Variants in STS observed in about 807,000 individuals in gnomAD.
STS encodes the protein steryl-sulfatase.
Under a neutral mutation model 26.8 loss-of-function variants are expected in STS, and 7 were observed. That is an observed-to-expected ratio of 0.26 (90% CI 0.15 to 0.49). The LOEUF (loss-of-function observed/expected upper bound fraction) is 0.49, where lower values mean the gene tolerates loss of function less well. Ranked by LOEUF, STS falls within the 20% of genes least tolerant of loss-of-function variation. The pLI is 0.98. For synonymous variants in STS, 199 were observed against 189.4 expected (o/e 1.05, Z -0.42); for missense variants, 434 against 465.6 (o/e 0.93, Z 0.63).
At chrX:7,164,562 C>A (rs186205057) in intron 1 of STS, among the ~76,000 whole-genome samples, 34 of 110,937 alleles carry the variant, frequency 3.1e-4, no homozygotes, top group Admixed American at 2.7e-3. Context: ...GCTCCCAGCC[C>A]CCACTTCCCA....
chrX:7,323,588 T>C lies in STS; in HGVS notation c.1082-1751T>C, dbSNP rs773189100. Among the ~76,000 whole-genome samples the C allele has an allele frequency of 2.7e-5, 3 of 112,144 alleles. No individual in the cohort carries two copies. The East Asian group carries it at 8.4e-4, about 31-fold the overall frequency. ...TTTATGGCTGTGTAGTATTCCATGATGTATATGTGCCACATTTTCTTTATC... is the reference window on the plus strand; with the variant it reads ...TTTATGGCTGTGTAGTATTCCATGACGTATATGTGCCACATTTTCTTTATC... On this transcript the variant is annotated intron_variant, in intron 8 of 10. Coordinates refer to ENST00000674429, the MANE Select transcript of STS (RefSeq NM_001320752.2).
At chrX:7,347,786 G>T (rs1353388230) in intron 10 of STS, among the ~76,000 whole-genome samples, 7 of 111,632 alleles carry the variant, frequency 6.3e-5, no homozygotes, top group Non-Finnish European at 1.1e-4. Context: ...TTTCTCTCTC[G>T]GCTGACCCTG....
At chrX:7,282,660 G>A (rs1185605079) in intron 7 of STS, among the ~76,000 whole-genome samples, 1 of 112,393 alleles carries the variant, frequency 8.9e-6, no homozygotes, top group Non-Finnish European at 1.9e-5. Context: ...GAGCCATCTC[G>A]CATATATGAA....
At chrX:7,250,403 T>TAAAAA (rs1468138264) in intron 2 of STS, among the ~76,000 whole-genome samples, 2 of 102,454 alleles carry the variant, frequency 2.0e-5, no homozygotes, top group African/African-American at 7.1e-5. Context: ...AACCATGCTT[T>TAAAAA]AAAAAAAAAA....
intron 2 of STS, among the ~76,000 whole-genome samples, chrX:7,222,501 A>G (rs1402912629): frequency 1.2e-5 from 1 of 85,318 alleles, no homozygotes; most frequent in East Asian, 4.1e-4. Context: ...AAAAACAGCT[A>G]TTTGTGAGAA....
At chrX:7,338,522 G>A (rs1928135800) in intron 10 of STS, among the ~76,000 whole-genome samples, 2 of 111,514 alleles carry the variant, frequency 1.8e-5, no homozygotes, top group African/African-American at 6.5e-5. Context: ...AGTCAGAAAC[G>A]GGATCTCCAT....
chrX:7,217,696 T>A (rs921228722), intron 2 of STS, among the ~76,000 whole-genome samples: 1 of 111,321 alleles, frequency 9.0e-6, no homozygotes, highest in Non-Finnish European at 1.9e-5. Flanking sequence ...AAAAATATTT[T>A]TCAAATCAAA....
chrX:7,193,563 C>T (rs1205150086), intron 2 of STS, among the ~76,000 whole-genome samples: 27 of 110,566 alleles, frequency 2.4e-4, no homozygotes, highest in Non-Finnish European at 1.9e-5. Context: ...AAATATGCAG[C>T]TGAAAGGGTT....
At chrX:7,191,695 G>C (rs546344747) in intron 2 of STS, among the ~76,000 whole-genome samples, 23 of 108,513 alleles carry the variant, frequency 2.1e-4, no homozygotes, top group East Asian at 1.2e-3. Flanking sequence ...GTCTCTCCCC[G>C]CAGGAAGTGC....
intron 6 of STS, among the ~76,000 whole-genome samples, chrX:7,262,976 C>T (rs1436826500): frequency 8.9e-6 from 1 of 112,397 alleles, no homozygotes; most frequent in Non-Finnish European, 1.9e-5. Context: ...CAGACATGTA[C>T]CGCATAATAA....
At chrX:7,322,351 C>T (rs980906421) in intron 8 of STS, among the ~76,000 whole-genome samples, 33 of 111,656 alleles carry the variant, frequency 3.0e-4, no homozygotes, top group Non-Finnish European at 2.8e-4. Flanking sequence ...GATCGGACAA[C>T]GGAGGCCTTC....
At chrX:7,321,225 G>A (rs1235800109) in intron 8 of STS, among the ~76,000 whole-genome samples, 1 of 111,440 alleles carries the variant, frequency 9.0e-6, no homozygotes, top group Non-Finnish European at 1.9e-5. Flanking sequence ...TAAACATTGA[G>A]TAAACATGGA....
intron 2 of STS, among the ~76,000 whole-genome samples, chrX:7,237,777 C>T (rs1922390344): frequency 1.8e-5 from 2 of 110,962 alleles, no homozygotes; most frequent in Admixed American, 9.6e-5. Context: ...CCATTGCCCC[C>T]ATCATCCAAA....
intron 7 of STS, among the ~76,000 whole-genome samples, chrX:7,283,073 A>G (rs1762121710): frequency 8.9e-6 from 1 of 112,489 alleles, no homozygotes; most frequent in African/African-American, 3.2e-5. Context: ...TGCCCTATAC[A>G]GAGTCTAGCC....
At chrX:7,164,271 A>G (rs1177315071) in intron 1 of STS, among the ~76,000 whole-genome samples, 1 of 111,976 alleles carries the variant, frequency 8.9e-6, no homozygotes, top group African/African-American at 3.2e-5. Flanking sequence ...AAAAGTTTCC[A>G]TCTCAAGACT....
intron 2 of STS, among the ~76,000 whole-genome samples, chrX:7,203,773 T>C (rs1026807045): frequency 9.1e-6 from 1 of 110,059 alleles, no homozygotes; most frequent in East Asian, 2.8e-4. Flanking sequence ...CATATCCATA[T>C]GCAAATATAT....
chrX:7,305,261 T>G, intron 8 of STS, 78 bp downstream of exon 8: 1 of 1,152,451 alleles, frequency 8.7e-7, no homozygotes, highest in African/African-American at 1.8e-5. Flanking sequence ...TTCGAGCTTT[T>G]CCATAGTTCT....
chrX:7,333,869 G>A (rs1272742561), intron 9 of STS, 117 bp from the exon 10 acceptor site: 13 of 1,043,441 alleles, frequency 1.2e-5, no homozygotes, highest in Non-Finnish European at 1.7e-5. Flanking sequence ...CCCAGGTGGG[G>A]TCAGTCTTCT....
At chrX:7,197,713 A>G (rs1460992256) in intron 2 of STS, among the ~76,000 whole-genome samples, 3 of 111,688 alleles carry the variant, frequency 2.7e-5, no homozygotes, top group African/African-American at 9.8e-5. Flanking sequence ...TGTTTACTAA[A>G]CATTATCAAT....
Sources: gnomAD v4.1 joint callset for allele counts (sites outside exome capture counted in the v4.1 genomes callset) on GRCh38, gnomAD v4.1.1 for gene constraint, MANE v1.5 for transcripts, NCBI Gene and HGNC (gene_info 2026-07-23, HGNC 2026-07-21) for gene names.